PGAP1: variants seen among roughly 807,000 people sequenced by gnomAD.
PGAP1 encodes post-GPI attachment to proteins inositol deacylase 1.
In PGAP1, 76 loss-of-function variants were observed where a neutral mutation model predicts 127.0. That is an observed-to-expected ratio of 0.60 (90% CI 0.50 to 0.72). The LOEUF is 0.72. Among genes scored for constraint, PGAP1 ranks in the 30% least tolerant of loss-of-function variants. The pLI is 0.00. For missense variants in PGAP1, 982 were observed against 1,071.3 expected, an observed-to-expected ratio of 0.92 and a Z score of 1.16; for synonymous variants, 362 against 366.5, an observed-to-expected ratio of 0.99 and a Z score of 0.14.
At chr2:196,926,017 G>C (rs879419798) in intron 1 of PGAP1, among the ~76,000 whole-genome samples, 1 of 152,098 alleles carries the variant, frequency 6.6e-6, no homozygotes. Flanking sequence ...CCGGGCGCGA[G>C]GGGAATTTAG....
intron 18 of PGAP1, 85 bp downstream of exon 18, chr2:196,872,356 C>T: frequency 1.1e-6 from 1 of 884,568 alleles, no homozygotes; most frequent in South Asian, 1.8e-5. Flanking sequence ...TTCCATGCCA[C>T]CATATATCTG....
intron 10 of PGAP1, among the ~76,000 whole-genome samples, chr2:196,890,163 G>A (rs559898694): frequency 3.3e-5 from 5 of 152,136 alleles, no homozygotes; most frequent in Admixed American, 3.3e-4. Flanking sequence ...TCAAACTCCT[G>A]AGCTCAAATG....
chr2:196,864,841 T>C, intron 20 of PGAP1, 146 bp downstream of exon 20: 1 of 407,534 alleles, frequency 2.5e-6, no homozygotes. Context: ...AAATAAATAA[T>C]AAAAAGGGAG....
At chr2:196,926,197 C>A (rs1221768956) in intron 1 of PGAP1, among the ~76,000 whole-genome samples, 2 of 151,576 alleles carry the variant, frequency 1.3e-5, no homozygotes, top group Non-Finnish European at 2.9e-5. Context: ...GGGGAGGAGG[C>A]GGAGGGACAG....
At chr2:196,864,390 CAAAAAAAAAA>C (rs752788293) in intron 20 of PGAP1, among the ~76,000 whole-genome samples, 2 of 32,398 alleles carry the variant, frequency 6.2e-5, no homozygotes, top group Non-Finnish European at 1.2e-4. Flanking sequence ...AACTACGTCT[CAAAAAAAAAA>C]AAAAAAAAAA....
intron 1 of PGAP1, among the ~76,000 whole-genome samples, chr2:196,923,342 T>G (rs561891100): frequency 1.1e-4 from 17 of 152,208 alleles, no homozygotes; most frequent in Non-Finnish European, 2.2e-4. Flanking sequence ...CATGTCCCAG[T>G]TCACTTTGCA....
Position 196,872,455 on chromosome 2 carries a change from C to G in PGAP1, c.1714G>C (p.Asp572His). The G allele has an allele frequency of 2.5e-6, 4 of 1,605,072 alleles. No homozygotes were observed. The South Asian group carries it at 4.4e-5, about 18-fold the overall frequency. ...VALFKMYTSSDCRYEVTVKTS... is the reference protein window; with the variant it reads ...VALFKMYTSSHCRYEVTVKTS... ...ATACAACTTACCTCGTACCGACAGTCTGATGACGTGTACATTTTAAATAAT... is the reference window on the plus strand; with the variant it reads ...ATACAACTTACCTCGTACCGACAGTGTGATGACGTGTACATTTTAAATAAT... The change falls in exon 18 of 27, where the codon GAC (aspartate) becomes CAC (histidine). Residue 572 changes from aspartate (D) to histidine (H), a missense_variant. Transcript: ENST00000354764.
intron 7 of PGAP1, among the ~76,000 whole-genome samples, chr2:196,895,628 A>G (rs963039934): frequency 2.0e-5 from 3 of 152,236 alleles, no homozygotes; most frequent in African/African-American, 7.2e-5. Flanking sequence ...GTGGTAAAAC[A>G]CAAAATGATC....
intron 19 of PGAP1, among the ~76,000 whole-genome samples, chr2:196,866,276 A>G (rs757619525): frequency 2.0e-5 from 3 of 152,212 alleles, no homozygotes; most frequent in South Asian, 4.1e-4. Context: ...AAACAGATAT[A>G]CAGACCAAAG....
At chr2:196,924,509 A>G (rs1365174389) in intron 1 of PGAP1, among the ~76,000 whole-genome samples, 1 of 152,198 alleles carries the variant, frequency 6.6e-6, no homozygotes, top group Non-Finnish European at 1.5e-5. Flanking sequence ...AGATAACATG[A>G]CCTGGTATGC....
chr2:196,918,874 C>T (rs1703095563), intron 2 of PGAP1, among the ~76,000 whole-genome samples: 1 of 152,136 alleles, frequency 6.6e-6, no homozygotes, highest in South Asian at 2.1e-4. Context: ...ATTTCAAATA[C>T]AAAGATTACT....
intron 20 of PGAP1, among the ~76,000 whole-genome samples, chr2:196,849,496 G>A (rs1354135421): frequency 6.6e-6 from 1 of 151,084 alleles, no homozygotes; most frequent in Non-Finnish European, 1.5e-5. Flanking sequence ...GGATGGTCTG[G>A]ATCTCCCGAC....
intron 1 of PGAP1, chr2:196,922,155 T>G (rs1275077070): frequency 7.7e-7 from 1 of 1,296,988 alleles, no homozygotes; most frequent in East Asian, 5.7e-5. Context: ...CCTCCTTCCT[T>G]GACTCTGCCT....
At chr2:196,855,635 A>G (rs1700857258) in intron 20 of PGAP1, among the ~76,000 whole-genome samples, 1 of 152,128 alleles carries the variant, frequency 6.6e-6, no homozygotes, top group Non-Finnish European at 1.5e-5. Context: ...TTTAAGGAAA[A>G]TTTATCTCTT....
In PGAP1 at chr2:196,893,248, A is replaced by G. The variant is rs968379815; in HGVS notation, c.928-3T>C. 2 of 1,448,454 alleles carry G rather than the reference A, an allele frequency of 1.4e-6. No individual in the cohort carries two copies. The highest frequency in any genetic ancestry group is 4.6e-5 in the East Asian group (2 of 43,780). The allele number at this position is 1,448,454 out of a possible 1,614,324, so 89.7% of individuals were successfully genotyped here. A position where few individuals can be genotyped will look rare whatever the true frequency, so the allele number is the denominator to read the frequency against. Reference sequence around the variant, plus strand: ...TTCTTCTTGGAATTTTGAGTTATCTAGAAAGAACATTGATACATTCTGTAT... The same window carrying G: ...TTCTTCTTGGAATTTTGAGTTATCTGGAAAGAACATTGATACATTCTGTAT... On this transcript the variant is annotated splice_polypyrimidine_tract_variant and splice_region_variant and intron_variant, in intron 7 of 26. Transcript: ENST00000354764.
At chr2:196,848,739 C>T (rs1700631735) in intron 20 of PGAP1, among the ~76,000 whole-genome samples, 1 of 151,992 alleles carries the variant, frequency 6.6e-6, no homozygotes, top group African/African-American at 2.4e-5. Flanking sequence ...TGCTTTTTGG[C>T]TGTTATGAAT....
chr2:196,856,667 A>G (rs1009379763), intron 20 of PGAP1, among the ~76,000 whole-genome samples: 15 of 152,348 alleles, frequency 9.8e-5, no homozygotes, highest in Middle Eastern at 3.4e-3. Context: ...CATTCAAACT[A>G]CAAACCAGGA....
At position 196,874,364 on chromosome 2, in the gene PGAP1, G is replaced by A. The variant is rs901175597; in HGVS notation, c.1427-606C>T. Among the ~76,000 whole-genome samples the A allele has an allele frequency of 3.3e-5, 5 of 152,132 alleles. No homozygotes were observed. The East Asian group carries it at 5.8e-4, about 18-fold the overall frequency. ...AAAAATTGAATAAATAAATAATGGG[G>A]GAGAAGGGTCTACTTTATCTCAGGA... On this transcript the variant is annotated intron_variant, in intron 14 of 26. Transcript: ENST00000354764.
intron 7 of PGAP1, among the ~76,000 whole-genome samples, chr2:196,894,898 A>G (rs1378301890): frequency 6.6e-6 from 1 of 152,210 alleles, no homozygotes; most frequent in East Asian, 1.9e-4. Context: ...ACAAGTTTTT[A>G]GCTATGACTT....
Sources: gnomAD v4.1 joint callset for allele counts (sites outside exome capture counted in the v4.1 genomes callset) on GRCh38, gnomAD v4.1.1 for gene constraint, MANE v1.5 for transcripts, NCBI Gene and HGNC (gene_info 2026-07-23, HGNC 2026-07-21) for gene names.